The following HS3ST4 variants were observed in gnomAD, a reference collection of about 807,000 sequenced individuals.
The protein encoded by HS3ST4 is heparan sulfate glucosamine 3-O-sulfotransferase 4.
HS3ST4 carries 17 observed loss-of-function variants against 29.2 expected under a neutral mutation model. The ratio of observed to expected loss-of-function variants is 0.58; its 90% CI spans 0.40 to 0.87. The LOEUF is 0.87. Ranked by LOEUF, HS3ST4 falls within the 40% of genes least tolerant of loss-of-function variation. HS3ST4 has a pLI of 0.00. For synonymous variants in HS3ST4, 314 were observed against 285.7 expected (o/e 1.10, Z -1.00); for missense variants, 627 against 634.5 (o/e 0.99, Z 0.13).
At chr16:25,708,479 A>C (rs115910884) in intron 1 of HS3ST4, among the ~76,000 whole-genome samples, 2,298 of 152,286 alleles carry the variant, frequency 0.015, 55 homozygotes, top group African/African-American at 0.05. Context: ...TGGCAGGTGG[A>C]ATTTTTCTTT....
intron 1 of HS3ST4, among the ~76,000 whole-genome samples, chr16:25,862,163 A>T (rs28677930): frequency 1.5e-4 from 21 of 144,766 alleles, no homozygotes; most frequent in East Asian, 2.0e-4. Flanking sequence ...ATTTATTTAC[A>T]TATTTATTTA....
chr16:25,909,787 G>A (rs893222612), intron 1 of HS3ST4, among the ~76,000 whole-genome samples: 13 of 152,204 alleles, frequency 8.5e-5, no homozygotes, highest in Admixed American at 6.5e-5. Flanking sequence ...TATTTAATGA[G>A]ATCCCTTGGC....
intron 1 of HS3ST4, among the ~76,000 whole-genome samples, chr16:25,929,851 T>C (rs955619849): frequency 6.6e-6 from 1 of 152,220 alleles, no homozygotes; most frequent in Non-Finnish European, 1.5e-5. Flanking sequence ...GTTTGTTATA[T>C]AGGTAAACTT....
intron 1 of HS3ST4, among the ~76,000 whole-genome samples, chr16:26,123,649 T>C (rs1899304980): frequency 6.6e-6 from 1 of 152,202 alleles, no homozygotes. Flanking sequence ...ATATGTAGTC[T>C]TTTATCCCTC....
chr16:25,878,460 G>A (rs946033772), intron 1 of HS3ST4, among the ~76,000 whole-genome samples: 2 of 152,134 alleles, frequency 1.3e-5, no homozygotes, highest in Non-Finnish European at 2.9e-5. Context: ...ACAATGAAAA[G>A]CAAAGCAGAA....
chr16:25,981,600 G>A (rs555595677), intron 1 of HS3ST4, among the ~76,000 whole-genome samples: 2 of 132,656 alleles, frequency 1.5e-5, no homozygotes, highest in African/African-American at 5.7e-5. Context: ...CTGATGTAAT[G>A]GTGGAGTTCT....
chr16:26,113,894 A>T (rs558060547), intron 1 of HS3ST4, among the ~76,000 whole-genome samples: 69 of 152,118 alleles, frequency 4.5e-4, no homozygotes, highest in African/African-American at 1.6e-3. Flanking sequence ...TTTCATGTTC[A>T]TGTATGTATA....
At chr16:26,122,506 C>T (rs1899289617) in intron 1 of HS3ST4, among the ~76,000 whole-genome samples, 1 of 152,086 alleles carries the variant, frequency 6.6e-6, no homozygotes, top group African/African-American at 2.4e-5. Context: ...ACAGTTTGTG[C>T]AGTTTGAGGC....
chr16:25,841,407 C>G (rs980553098), intron 1 of HS3ST4, among the ~76,000 whole-genome samples: 2 of 152,064 alleles, frequency 1.3e-5, no homozygotes, highest in African/African-American at 2.4e-5. Context: ...CTCAGGGGAT[C>G]CTCCCACTTC....
At chr16:25,917,463 A>G (rs956950005) in intron 1 of HS3ST4, among the ~76,000 whole-genome samples, 1 of 152,172 alleles carries the variant, frequency 6.6e-6, no homozygotes, top group Non-Finnish European at 1.5e-5. Flanking sequence ...CACCCACCTC[A>G]GCCATCTAAA....
intron 1 of HS3ST4, among the ~76,000 whole-genome samples, chr16:25,756,981 CT>C (rs1281403298): frequency 6.6e-6 from 1 of 152,132 alleles, no homozygotes; most frequent in Non-Finnish European, 1.5e-5. Flanking sequence ...CAAGAGCAAC[CT>C]GAGGGAAGGT....
chr16:25,879,426 A>G (rs553160928), intron 1 of HS3ST4, among the ~76,000 whole-genome samples: 19 of 152,122 alleles, frequency 1.2e-4, no homozygotes, highest in Non-Finnish European at 2.1e-4. Flanking sequence ...GAGGTCACAC[A>G]TCATGGCAGA....
intron 1 of HS3ST4, among the ~76,000 whole-genome samples, chr16:25,698,919 G>A (rs1440915667): frequency 1.3e-5 from 2 of 152,240 alleles, no homozygotes; most frequent in Admixed American, 1.3e-4. Context: ...GGCTGAAGGG[G>A]AAGCCACTGC....
chr16:26,060,672 A>T (rs1039543592), intron 1 of HS3ST4, among the ~76,000 whole-genome samples: 3 of 152,162 alleles, frequency 2.0e-5, no homozygotes, highest in Non-Finnish European at 2.9e-5. Context: ...AATCTGGTAT[A>T]AAAACTTTTA....
At chr16:25,856,424 G>T (rs895400943) in intron 1 of HS3ST4, among the ~76,000 whole-genome samples, 4 of 151,654 alleles carry the variant, frequency 2.6e-5, no homozygotes, top group African/African-American at 7.3e-5. Context: ...AGTTATGCCT[G>T]CATTAAGAAA....
intron 1 of HS3ST4, among the ~76,000 whole-genome samples, chr16:26,042,977 C>G (rs1969648642): frequency 6.6e-6 from 1 of 152,170 alleles, no homozygotes. Flanking sequence ...TCACAGCTTT[C>G]TAACACCCCC....
intron 1 of HS3ST4, among the ~76,000 whole-genome samples, chr16:26,090,302 C>T (rs1425380598): frequency 6.9e-6 from 1 of 145,794 alleles, no homozygotes; most frequent in Non-Finnish European, 1.5e-5. Context: ...CACGTGAAAT[C>T]TCTCTGCATT....
chr16:25,854,032 G>T (rs1233994380), intron 1 of HS3ST4, among the ~76,000 whole-genome samples: 2 of 152,138 alleles, frequency 1.3e-5, no homozygotes, highest in Non-Finnish European at 1.5e-5. Context: ...TTTGATATTG[G>T]TCTATTGAGA....
chr16:25,717,673 G>A (rs1966465223), intron 1 of HS3ST4, among the ~76,000 whole-genome samples: 1 of 152,080 alleles, frequency 6.6e-6, no homozygotes, highest in Non-Finnish European at 1.5e-5. Context: ...GGAGAAGGAT[G>A]ACTTAGGATG....
Sources: gnomAD v4.1 joint callset for allele counts (sites outside exome capture counted in the v4.1 genomes callset) on GRCh38, gnomAD v4.1.1 for gene constraint, MANE v1.5 for transcripts, NCBI Gene and HGNC (gene_info 2026-07-23, HGNC 2026-07-21) for gene names.